The following PPFIBP2 variants were observed in gnomAD, a reference collection of about 807,000 sequenced individuals.
PPFIBP2 encodes the protein PPFIB scaffold protein 2.
A neutral mutation model predicts 118.3 loss-of-function variants in PPFIBP2; 118 were observed. The ratio of observed to expected loss-of-function variants is 1.00; its 90% CI spans 0.86 to 1.16. PPFIBP2 has a LOEUF of 1.16. PPFIBP2 is among the 50% of genes most tolerant of loss of function. The pLI is 0.00. For missense variants in PPFIBP2, 1,195 were observed against 1,073.1 expected (o/e 1.11, Z -1.59); for synonymous variants, 414 against 397.4 (o/e 1.04, Z -0.50).
chr11:7,634,606 C>G, intron 13 of PPFIBP2, 54 bp downstream of exon 13: 1 of 1,402,204 alleles, frequency 7.1e-7, no homozygotes, highest in Non-Finnish European at 1.0e-6. Context: ...TTGGGCCTAG[C>G]ATAGTACTGG....
chr11:7,519,511 T>C (rs1022424623), intron 1 of PPFIBP2, among the ~76,000 whole-genome samples: 19 of 152,338 alleles, frequency 1.2e-4, no homozygotes, highest in African/African-American at 3.8e-4. Context: ...ATTTGTACTG[T>C]GGCCAGACTG....
intron 23 of PPFIBP2, among the ~76,000 whole-genome samples, chr11:7,652,284 G>A (rs7926059): frequency 0.067 from 10,214 of 152,230 alleles, 972 homozygotes; most frequent in African/African-American, 0.21. Flanking sequence ...GTCTTGTTTC[G>A]TGAAGTGGCC....
the PPFIBP2 span, among the ~76,000 whole-genome samples, chr11:7,664,173 T>C: frequency 0.78 from 119,243 of 152,120 alleles, 46,919 homozygotes; most frequent in African/African-American, 0.85. Flanking sequence ...GCTCCTCCCT[T>C]GCATGTTGTC....
At chr11:7,519,699 C>T (rs370420384) in intron 1 of PPFIBP2, among the ~76,000 whole-genome samples, 15 of 152,190 alleles carry the variant, frequency 9.9e-5, no homozygotes, top group East Asian at 1.9e-4. Context: ...GACAGCCGGA[C>T]GGAGACGATA....
chr11:7,564,068 A>T (rs1854654100), intron 2 of PPFIBP2, among the ~76,000 whole-genome samples: 1 of 152,080 alleles, frequency 6.6e-6, no homozygotes, highest in African/African-American at 2.4e-5. Context: ...CGGGAGGCTG[A>T]GGCAGGAGAA....
the PPFIBP2 span, chr11:7,665,460 A>C: frequency 1.4e-5 from 23 of 1,613,806 alleles, no homozygotes; most frequent in Non-Finnish European, 1.9e-5. Flanking sequence ...GGCGGGCCAC[A>C]CACCAGGATG....
At chr11:7,569,360 C>T (rs1276345679) in intron 3 of PPFIBP2, among the ~76,000 whole-genome samples, 1 of 152,192 alleles carries the variant, frequency 6.6e-6, no homozygotes, top group Non-Finnish European at 1.5e-5. Context: ...AGCAGACCTG[C>T]CCAGGAGTCA....
At chr11:7,660,496 C>G (rs1473986831), downstream of PPFIBP2, among the ~76,000 whole-genome samples, 1 of 148,832 alleles carries the variant, frequency 6.7e-6, no homozygotes, top group Non-Finnish European at 1.5e-5. Context: ...AGGGATGAAG[C>G]CCACTTGATC....
chr11:7,524,213 G>A (rs191775252), intron 1 of PPFIBP2, among the ~76,000 whole-genome samples: 252 of 152,178 alleles, frequency 1.7e-3, no homozygotes, highest in Non-Finnish European at 2.9e-3. Flanking sequence ...AGAGGGGGTA[G>A]AGCCACAGCT....
intron 3 of PPFIBP2, among the ~76,000 whole-genome samples, chr11:7,571,105 G>A (rs911245999): frequency 1.3e-5 from 2 of 152,226 alleles, no homozygotes; most frequent in Non-Finnish European, 2.9e-5. Context: ...AACCTGAAGA[G>A]TTGCTCTCCT....
chr11:7,663,430 G>A, the PPFIBP2 span, among the ~76,000 whole-genome samples: 1 of 152,022 alleles, frequency 6.6e-6, no homozygotes, highest in Non-Finnish European at 1.5e-5. Context: ...GTGTGCCCCT[G>A]CTGGGGGGTG....
At chr11:7,612,953 A>C (rs1848235733) in intron 6 of PPFIBP2, among the ~76,000 whole-genome samples, 1 of 152,170 alleles carries the variant, frequency 6.6e-6, no homozygotes, top group Non-Finnish European at 1.5e-5. Context: ...TGAGTGAGAC[A>C]TTTTGCTAAG....
Position 7,650,963 on chromosome 11 carries a change from A to G in PPFIBP2, c.2245A>G (p.Ile749Val), listed in dbSNP as rs765779376. 1.9e-6 allele frequency: 3 copies of G among 1,613,108 alleles called. No homozygotes were observed. The East Asian group carries it at 6.7e-5, about 36-fold the overall frequency. The change falls in exon 22 of 24, where the codon ATT becomes GTT. Residue 749 changes from isoleucine (I) to valine (V), a missense_variant and splice_region_variant. Coordinates refer to ENST00000299492, the MANE Select transcript of PPFIBP2 (RefSeq NM_003621.5). Reference protein sequence around the residue: ...LRGSGVHGGLIILEPRFTGDT... With the variant: ...LRGSGVHGGLVILEPRFTGDT... The stretch of plus-strand genomic sequence containing the variant: ...AGGGAGTGGAGTCCATGGAGGCCTC[A>G]TTGTGAGTGGCTCTCTGGCCTAGCC...
intron 3 of PPFIBP2, among the ~76,000 whole-genome samples, chr11:7,566,783 A>G (rs1855037773): frequency 6.6e-6 from 1 of 152,202 alleles, no homozygotes; most frequent in Admixed American, 6.5e-5. Flanking sequence ...TATAACACAT[A>G]GTGATCAAGT....
At chr11:7,661,314 T>G (rs1193565266), downstream of PPFIBP2, among the ~76,000 whole-genome samples, 12 of 150,226 alleles carry the variant, frequency 8.0e-5, no homozygotes, top group African/African-American at 2.9e-4. Context: ...TACACACTGC[T>G]TTGAATGTGT....
intron 2 of PPFIBP2, among the ~76,000 whole-genome samples, chr11:7,564,114 C>T (rs1170449596): frequency 6.6e-6 from 1 of 151,378 alleles, no homozygotes; most frequent in Non-Finnish European, 1.5e-5. Context: ...TGCAGTGAGC[C>T]GAGATTGCAC....
chr11:7,610,374 C>T lies in PPFIBP2; in HGVS notation c.570C>T (p.Gly190=), dbSNP rs1363948744. ...CTGAGCTGAAGCTCAAGCTGGTTGG[C>T]ATGGAGAAGGAGCAGAGAGAGCAGG... is the stretch of plus-strand genomic sequence containing the variant. ...EVSELKLKLV[G]MEKEQREQEE... is the part of the protein sequence containing the mutation. The change falls in exon 6 of 24, where the codon GGC becomes GGT. Residue 190 remains glycine, a synonymous_variant. Transcript: ENST00000299492. 2 of 1,614,088 alleles carry T rather than the reference C, an allele frequency of 1.2e-6. No homozygotes were observed. Among genetic ancestry groups the T allele is most frequent in the South Asian group, 2.2e-5 (2 of 91,078 alleles).
rs773329768 is a variant in PPFIBP2, at chr11:7,650,815, C to A, written c.2122-25C>A. ...GGTGGGACCTATTAAGCCTAACTTC[C>A]TCACTCTCCTTCTCCCTCTGACAGA... On this transcript the variant is annotated intron_variant, in intron 21 of 23. Coordinates refer to ENST00000299492, the MANE Select transcript of PPFIBP2 (RefSeq NM_003621.5). 1.9e-6 allele frequency: 3 copies of A among 1,611,388 alleles called. No homozygotes were observed. In the South Asian group the frequency reaches 3.3e-5, roughly 18 times the overall value.
At chr11:7,555,825 G>A (rs761542220) in intron 2 of PPFIBP2, among the ~76,000 whole-genome samples, 25 of 152,194 alleles carry the variant, frequency 1.6e-4, no homozygotes, top group Non-Finnish European at 3.5e-4. Context: ...GATAAGGCTG[G>A]AACTATGTGT....
Sources: gnomAD v4.1 joint callset for allele counts (sites outside exome capture counted in the v4.1 genomes callset) on GRCh38, gnomAD v4.1.1 for gene constraint, MANE v1.5 for transcripts, NCBI Gene and HGNC (gene_info 2026-07-23, HGNC 2026-07-21) for gene names.